Variants in TMEM132D observed in about 807,000 individuals in gnomAD.
TMEM132D encodes the protein transmembrane protein 132D.
In TMEM132D, 21 loss-of-function variants were observed where a neutral mutation model predicts 62.3. The ratio of observed to expected loss-of-function variants is 0.34; its 90% CI spans 0.24 to 0.49. TMEM132D has a LOEUF of 0.49. TMEM132D is among the 20% of genes least tolerant of loss of function. The pLI is 0.99. For synonymous variants in TMEM132D, 621 were observed against 575.6 expected (o/e 1.08, Z -1.13); for missense variants, 1,346 against 1,402.8 (o/e 0.96, Z 0.65).
intron 1 of TMEM132D, among the ~76,000 whole-genome samples, chr12:129,720,191 A>C (rs899989516): frequency 1.3e-5 from 2 of 152,156 alleles, no homozygotes; most frequent in African/African-American, 4.8e-5. Context: ...CAAAGTTCTA[A>C]ACTCAAATAA....
At chr12:129,499,272 T>C (rs1875053376) in intron 3 of TMEM132D, among the ~76,000 whole-genome samples, 1 of 152,198 alleles carries the variant, frequency 6.6e-6, no homozygotes, top group South Asian at 2.1e-4. Context: ...ACGTGGTCTT[T>C]GCATTTGTAA....
intron 2 of TMEM132D, among the ~76,000 whole-genome samples, chr12:129,600,929 T>A (rs1469785093): frequency 6.6e-6 from 1 of 152,162 alleles, no homozygotes; most frequent in Non-Finnish European, 1.5e-5. Flanking sequence ...CAACTTAAAG[T>A]CACCAGCTGC....
At chr12:129,571,904 C>T (rs1565907822) in intron 2 of TMEM132D, among the ~76,000 whole-genome samples, 1 of 152,054 alleles carries the variant, frequency 6.6e-6, no homozygotes, top group Non-Finnish European at 1.5e-5. Flanking sequence ...GGGTTTTAGA[C>T]AGCACAATCC....
intron 5 of TMEM132D, among the ~76,000 whole-genome samples, chr12:129,128,747 C>A (rs1565973138): frequency 6.6e-6 from 1 of 152,156 alleles, no homozygotes. Context: ...TCACCCCCTC[C>A]CATCCTGCCC....
intron 1 of TMEM132D, among the ~76,000 whole-genome samples, chr12:129,753,976 A>G (rs550606057): frequency 6.6e-6 from 1 of 152,224 alleles, no homozygotes; most frequent in Non-Finnish European, 1.5e-5. Flanking sequence ...ATGTTCTAGC[A>G]TAGGTGTGAA....
intron 2 of TMEM132D, among the ~76,000 whole-genome samples, chr12:129,556,569 C>T (rs1877065000): frequency 6.6e-6 from 1 of 152,040 alleles, no homozygotes; most frequent in East Asian, 1.9e-4. Flanking sequence ...AATAGGTTGC[C>T]TTCCTTTTAA....
chr12:129,876,667 T>C (rs891207140), intron 1 of TMEM132D, among the ~76,000 whole-genome samples: 2 of 152,220 alleles, frequency 1.3e-5, no homozygotes, highest in Non-Finnish European at 2.9e-5. Context: ...CTTCTCTCTG[T>C]CTCTTTGTGT....
intron 4 of TMEM132D, among the ~76,000 whole-genome samples, chr12:129,333,197 G>A (rs73422268): frequency 6.6e-6 from 1 of 152,158 alleles, no homozygotes; most frequent in African/African-American, 2.4e-5. Context: ...TTTCATGTTG[G>A]AGGAAGCTGC....
chr12:129,305,119 G>A (rs868720753), intron 4 of TMEM132D, among the ~76,000 whole-genome samples: 2 of 152,260 alleles, frequency 1.3e-5, no homozygotes, highest in African/African-American at 2.4e-5. Context: ...CTGAGAGCAG[G>A]GACTTTACCA....
intron 3 of TMEM132D, among the ~76,000 whole-genome samples, chr12:129,470,866 T>C (rs998020607): frequency 6.0e-4 from 92 of 152,114 alleles, no homozygotes; most frequent in Middle Eastern, 3.2e-3. Flanking sequence ...GTAACCAGGA[T>C]GGGCTATGCA....
chr12:129,434,250 T>A (rs941990729), intron 3 of TMEM132D, among the ~76,000 whole-genome samples: 5 of 152,188 alleles, frequency 3.3e-5, no homozygotes, highest in African/African-American at 1.2e-4. Context: ...AATGAGAATG[T>A]CAAATAGACC....
chr12:129,446,752 G>A (rs1873108909), intron 3 of TMEM132D, among the ~76,000 whole-genome samples: 2 of 152,108 alleles, frequency 1.3e-5, no homozygotes, highest in South Asian at 4.1e-4. Context: ...TATATTCCAG[G>A]CTTTGATTTT....
chr12:129,188,762 G>GGAGAGAGAGA (rs569138938), intron 5 of TMEM132D, among the ~76,000 whole-genome samples: 102 of 126,316 alleles, frequency 8.1e-4, no homozygotes, highest in African/African-American at 2.8e-3. Context: ...AGGGAGAGAG[G>GGAGAGAGAGA]GAGAGAGAGA....
intron 3 of TMEM132D, among the ~76,000 whole-genome samples, chr12:129,390,533 C>T (rs933198501): frequency 3.3e-5 from 5 of 152,198 alleles, no homozygotes; most frequent in Non-Finnish European, 7.3e-5. Context: ...TCAACTTAAA[C>T]TGGCTTCAAC....
chr12:129,288,818 G>A (rs897339237), intron 4 of TMEM132D, among the ~76,000 whole-genome samples: 1 of 152,166 alleles, frequency 6.6e-6, no homozygotes, highest in African/African-American at 2.4e-5. Flanking sequence ...GCCAAGGCAT[G>A]GAAACAACCT....
intron 1 of TMEM132D, among the ~76,000 whole-genome samples, chr12:129,735,040 G>T (rs535859183): frequency 1.3e-5 from 2 of 151,848 alleles, no homozygotes; most frequent in South Asian, 2.1e-4. Context: ...ACGACAAAAA[G>T]AATTAAAAGT....
intron 4 of TMEM132D, among the ~76,000 whole-genome samples, chr12:129,315,218 T>C (rs1330693042): frequency 1.3e-5 from 2 of 152,186 alleles, no homozygotes; most frequent in Non-Finnish European, 1.5e-5. Context: ...CCTTGTCTTG[T>C]TCCACTTCTC....
intron 5 of TMEM132D, among the ~76,000 whole-genome samples, chr12:129,200,614 A>G (rs1265847280): frequency 6.6e-6 from 1 of 152,182 alleles, no homozygotes; most frequent in African/African-American, 2.4e-5. Context: ...TGGAGAAAAA[A>G]AGAAGGGACT....
intron 1 of TMEM132D, among the ~76,000 whole-genome samples, chr12:129,880,188 C>T (rs1874546912): frequency 6.6e-6 from 1 of 152,062 alleles, no homozygotes; most frequent in African/African-American, 2.4e-5. Flanking sequence ...AGAAGCTATA[C>T]AAGCCAGAAG....
Sources: gnomAD v4.1 joint callset for allele counts (sites outside exome capture counted in the v4.1 genomes callset) on GRCh38, gnomAD v4.1.1 for gene constraint, MANE v1.5 for transcripts, NCBI Gene and HGNC (gene_info 2026-07-23, HGNC 2026-07-21) for gene names.